Variants in ICE1 observed in about 807,000 individuals in gnomAD.
The protein encoded by ICE1 is little elongation complex subunit 1.
In ICE1, 64 loss-of-function variants were observed where a neutral mutation model predicts 192.7. The observed-to-expected ratio is 0.33, with a 90% confidence interval of 0.27 to 0.41. ICE1 has a LOEUF of 0.41. ICE1 is among the 10% of genes least tolerant of loss of function. The probability of loss-of-function intolerance (pLI) is 1.00; values close to 1 mark genes in which losing one functional copy is unlikely to be tolerated. For missense variants in ICE1, 2,708 were observed against 2,696.0 expected, an observed-to-expected ratio of 1.00 and a Z score of -0.10; for synonymous variants, 1,010 against 984.5, an observed-to-expected ratio of 1.03 and a Z score of -0.49.
At chr5:5,476,124 C>A (rs898811274) in intron 17 of ICE1, 45 bp downstream of exon 17, 10 of 1,154,380 alleles carry the variant, frequency 8.7e-6, no homozygotes, top group East Asian at 2.6e-5. Context: ...TTATTGATAT[C>A]TTGGTGGAAG....
intron 10 of ICE1, among the ~76,000 whole-genome samples, chr5:5,449,505 A>G (rs1738352058): frequency 6.6e-6 from 1 of 152,152 alleles, no homozygotes; most frequent in Admixed American, 6.6e-5. Context: ...GATAGTTACA[A>G]AGATTACCAT....
At chr5:5,466,527 G>A (rs1417948028) in intron 14 of ICE1, 25 bp downstream of exon 14, 3 of 1,579,664 alleles carry the variant, frequency 1.9e-6, no homozygotes, top group African/African-American at 1.4e-5. Flanking sequence ...TGACAATTTT[G>A]TATTGAAAAT....
chr5:5,468,618 C>G (rs1739062797), intron 14 of ICE1, among the ~76,000 whole-genome samples: 2 of 152,100 alleles, frequency 1.3e-5, no homozygotes, highest in Non-Finnish European at 1.5e-5. Flanking sequence ...TGACACATAC[C>G]AAATGGGAGA....
chr5:5,445,590 C>T (rs986811703), intron 7 of ICE1, among the ~76,000 whole-genome samples: 1 of 151,956 alleles, frequency 6.6e-6, no homozygotes, highest in Non-Finnish European at 1.5e-5. Context: ...CACCACCAAA[C>T]CTAGCTAATT....
chr5:5,427,159 G>T (rs1737549243), intron 1 of ICE1, among the ~76,000 whole-genome samples: 1 of 152,174 alleles, frequency 6.6e-6, no homozygotes, highest in Non-Finnish European at 1.5e-5. Context: ...TCAGAAGTGT[G>T]CAGATTGACT....
At chr5:5,457,792 C>G (rs1467149123) in intron 12 of ICE1, 51 bp downstream of exon 12, 2 of 1,478,904 alleles carry the variant, frequency 1.4e-6, no homozygotes, top group African/African-American at 2.8e-5. Flanking sequence ...ATTGTCTATC[C>G]TAATATGTCC....
chr5:5,443,110 T>A, intron 5 of ICE1, 58 bp from the exon 6 acceptor site: 1 of 972,754 alleles, frequency 1.0e-6, no homozygotes, highest in Middle Eastern at 2.2e-4. Flanking sequence ...AAGCAAGTTA[T>A]GACCAATGGT....
At position 5,462,635 on chromosome 5, in the gene ICE1, C is replaced by T. The variant is rs758941095; in HGVS notation, c.3301C>T (p.Arg1101Ter). The change falls in exon 13 of 19, where the codon CGA becomes TGA. Residue 1101 changes from arginine (R) to a stop codon, truncating the protein, a stop_gained. Coordinates refer to ENST00000296564, the MANE Select transcript of ICE1 (RefSeq NM_015325.3). LOFTEE classifies it high-confidence loss of function. Reference protein sequence around the residue: ...PGTLHCYTGIREGGDDTEVES... With the variant: ...PGTLHCYTGI ...TACCTTACATTGTTACACAGGCATT[C>T]GAGAGGGGGGAGACGACACTGAGGT... 1.2e-6 allele frequency: 2 copies of T among 1,613,718 alleles called. No homozygotes were observed. Among genetic ancestry groups the T allele is most frequent in the South Asian group, 1.1e-5 (1 of 91,058 alleles).
intron 1 of ICE1, among the ~76,000 whole-genome samples, chr5:5,430,528 G>C (rs1429150273): frequency 1.3e-5 from 2 of 152,100 alleles, no homozygotes; most frequent in African/African-American, 4.8e-5. Context: ...AGATATACAA[G>C]AGTTGTTAAG....
At chr5:5,479,125 G>A (rs1300197651) in intron 17 of ICE1, among the ~76,000 whole-genome samples, 1 of 152,164 alleles carries the variant, frequency 6.6e-6, no homozygotes, top group Non-Finnish European at 1.5e-5. Context: ...AAGAGCTTCT[G>A]CACAGCAAAA....
At chr5:5,454,021 G>A (rs979143070) in intron 10 of ICE1, among the ~76,000 whole-genome samples, 3 of 152,086 alleles carry the variant, frequency 2.0e-5, no homozygotes, top group Non-Finnish European at 4.4e-5. Flanking sequence ...CTCCCCTCAA[G>A]TCCATTGATG....
At chr5:5,477,492 A>T (rs1293160201) in intron 17 of ICE1, among the ~76,000 whole-genome samples, 1 of 152,246 alleles carries the variant, frequency 6.6e-6, no homozygotes, top group African/African-American at 2.4e-5. Context: ...TGAGGCAGTG[A>T]TTAACAGCCT....
chr5:5,446,321 G>GT (rs1283121491), intron 7 of ICE1, among the ~76,000 whole-genome samples: 1 of 151,858 alleles, frequency 6.6e-6, no homozygotes, highest in Non-Finnish European at 1.5e-5. Flanking sequence ...TTGAGACAGG[G>GT]TCTCACTCCG....
chr5:5,443,374 CTAGT>C, intron 6 of ICE1, 130 bp downstream of exon 6: 2 of 537,394 alleles, frequency 3.7e-6, no homozygotes, highest in Non-Finnish European at 6.4e-6. Context: ...TGGTCTTGAA[CTAGT>C]TAGTCTCTCA....
chr5:5,476,137 T>C (rs994946883), intron 17 of ICE1, 58 bp downstream of exon 17: 92 of 841,668 alleles, frequency 1.1e-4, no homozygotes, highest in Non-Finnish European at 1.6e-4. Flanking sequence ...GGTGGAAGGC[T>C]GGGGGGTTAA....
rs1341590108 is a variant in ICE1, at chr5:5,464,197, G to A, written c.4863G>A (p.Leu1621=). ...CTACAGATTGTTCTCCTGACACACT[G>A]AGTAAAATACGGCAAGAGGTGGGGC... ...STPTDCSPDT[L]SKIRQEVGPP... Residue 1621 remains leucine, a synonymous_variant, in exon 13 of 19, where the codon CTG becomes CTA. Transcript: ENST00000296564. This position sits in a 1 kb window ranked among gnomAD's most constrained non-coding sequence, Gnocchi z 4.0. The A allele has an allele frequency of 6.2e-7, 1 of 1,613,660 alleles. No homozygotes were observed. The highest frequency in any genetic ancestry group is 1.1e-5 in the South Asian group (1 of 91,066).
chr5:5,447,193 A>C (rs1011091622), intron 7 of ICE1, among the ~76,000 whole-genome samples: 2 of 152,220 alleles, frequency 1.3e-5, no homozygotes, highest in African/African-American at 4.8e-5. Context: ...TTTGGAAAGA[A>C]TTCTTAAGGC....
In ICE1 at chr5:5,463,727, A is replaced by C. The variant is rs769432229; in HGVS notation, c.4393A>C (p.Thr1465Pro). ...GCTGGAAGCTGGTTGCATCCCAGTG[A>C]CTTCTGCTGAGAAGTCCCCAGAGGC... Reference protein sequence around the residue: ...GELEAGCIPVTSAEKSPEASH... With the variant: ...GELEAGCIPVPSAEKSPEASH... Residue 1465 changes from threonine (T) to proline (P), a missense_variant, in exon 13 of 19, where the codon ACT (threonine) becomes CCT (proline). Around this residue, in one of 2 missense-constraint regions of ICE1, gnomAD observed 2,366 missense variants for 2,276.6 expected, o/e 1.04. Coordinates refer to ENST00000296564, the MANE Select transcript of ICE1 (RefSeq NM_015325.3). 1 of 1,613,820 alleles carries C rather than the reference A, an allele frequency of 6.2e-7. No homozygotes were observed. Among genetic ancestry groups the C allele is most frequent in the South Asian group, 1.1e-5 (1 of 91,080 alleles).
At chr5:5,438,342 A>G (rs1248029562) in intron 3 of ICE1, among the ~76,000 whole-genome samples, 1 of 152,228 alleles carries the variant, frequency 6.6e-6, no homozygotes, top group Non-Finnish European at 1.5e-5. Context: ...TTGGGTGGGG[A>G]CACAGCCAGA....
Sources: allele counts gnomAD v4.1 joint callset (sites outside exome capture counted in the v4.1 genomes callset), GRCh38; gene constraint gnomAD v4.1.1; regional missense constraint gnomAD v4.1.1; non-coding constraint Gnocchi (gnomAD v3.1); transcripts MANE v1.5; gene names NCBI Gene and HGNC (gene_info 2026-07-23, HGNC 2026-07-21).